Variants in DNAJC3 observed in about 807,000 individuals in gnomAD.
The protein encoded by DNAJC3 is dnaJ homolog subfamily C member 3.
DNAJC3 carries 38 observed loss-of-function variants against 68.6 expected under a neutral mutation model. The observed-to-expected ratio is 0.55, with a 90% CI of 0.43 to 0.73. DNAJC3 has a LOEUF of 0.73. DNAJC3 is among the 30% of genes least tolerant of loss of function. The pLI, the probability that DNAJC3 is intolerant of heterozygous loss-of-function variation, is 0.00. For synonymous variants in DNAJC3, 203 were observed against 204.0 expected (o/e 1.00, Z 0.04); for missense variants, 526 against 591.9 (o/e 0.89, Z 1.16).
At chr13:95,717,794 C>T (rs1402185408) in intron 2 of DNAJC3, among the ~76,000 whole-genome samples, 1 of 152,174 alleles carries the variant, frequency 6.6e-6, no homozygotes, top group Non-Finnish European at 1.5e-5. Context: ...TGTGAGGCCT[C>T]CCCAGCCATG....
At chr13:95,684,958 G>A (rs1880032363) in intron 1 of DNAJC3, among the ~76,000 whole-genome samples, 2 of 152,356 alleles carry the variant, frequency 1.3e-5, no homozygotes, top group South Asian at 2.1e-4. Context: ...GTTGCTGCAG[G>A]GGCAGAGCCC....
chr13:95,720,664 A>T (rs565618500), intron 2 of DNAJC3, among the ~76,000 whole-genome samples: 2 of 152,292 alleles, frequency 1.3e-5, no homozygotes, highest in South Asian at 2.1e-4. Flanking sequence ...TCCTCAAGTT[A>T]ATTACAGTAT....
At chr13:95,768,989 A>G (rs1594018433) in intron 9 of DNAJC3, among the ~76,000 whole-genome samples, 1 of 64,782 alleles carries the variant, frequency 1.5e-5, no homozygotes, top group African/African-American at 2.0e-4. Flanking sequence ...AAAATTATCT[A>G]TATCTATATC....
intron 4 of DNAJC3, among the ~76,000 whole-genome samples, chr13:95,741,878 G>C (rs1349724652): frequency 6.6e-6 from 1 of 152,146 alleles, no homozygotes; most frequent in Non-Finnish European, 1.5e-5. Context: ...AGTGTGCTTG[G>C]GCACTTGGGC....
intron 1 of DNAJC3, among the ~76,000 whole-genome samples, chr13:95,692,115 CTG>C (rs1386847654): frequency 1.4e-5 from 2 of 146,084 alleles, no homozygotes; most frequent in Admixed American, 6.7e-5. Flanking sequence ...GAGAGGGAGA[CTG>C]TGGGGAGAGG....
chr13:95,726,541 A>G (rs73550588), intron 4 of DNAJC3, among the ~76,000 whole-genome samples: 2,597 of 152,266 alleles, frequency 0.017, 80 homozygotes, highest in African/African-American at 0.06. Context: ...ACACATTCTT[A>G]AAAGGGAATT....
intron 4 of DNAJC3, among the ~76,000 whole-genome samples, chr13:95,746,234 G>A (rs1443740072): frequency 6.6e-6 from 1 of 152,198 alleles, no homozygotes; most frequent in African/African-American, 2.4e-5. Context: ...GAATAGGATA[G>A]TTGCTACTAT....
chr13:95,715,895 G>T (rs1197209213), intron 2 of DNAJC3, among the ~76,000 whole-genome samples: 1 of 151,962 alleles, frequency 6.6e-6, no homozygotes, highest in Non-Finnish European at 1.5e-5. Flanking sequence ...GGTGGCTCAT[G>T]CCTGTAATCC....
intron 6 of DNAJC3, 48 bp downstream of exon 6, chr13:95,760,269 T>C (rs2139675139): frequency 7.1e-7 from 1 of 1,402,502 alleles, no homozygotes; most frequent in Non-Finnish European, 9.4e-7. Flanking sequence ...TTGTTGGCAG[T>C]AAGATTACCT....
rs552623577 is a variant in DNAJC3 at position 95,731,023 on chromosome 13, C to T, written c.393+5771C>T. Among the ~76,000 whole-genome samples, 11 of 152,006 alleles carry T rather than the reference C, an allele frequency of 7.2e-5. No individual in the cohort carries two copies. The South Asian group carries it at 2.1e-3, about 29-fold the overall frequency. On this transcript the variant is annotated intron_variant, in intron 4 of 11. Transcript: ENST00000602402. The stretch of plus-strand genomic sequence containing the variant: ...TTTCTTTGTAGAAGTCTTCCAATTC[C>T]TTGGTTAAATTTTTTCCTGGGTATT...
In DNAJC3 at chr13:95,749,986, G is replaced by A. The variant is rs1384968640; in HGVS notation, c.394-7658G>A. ...AATTGCTTGAACCTGGGAGGTGGAG[G>A]TTGTAGTGAGCCTCTAATTAGTGTT... On this transcript the variant is annotated intron_variant, in intron 4 of 11. Coordinates refer to ENST00000602402, the MANE Select transcript of DNAJC3 (RefSeq NM_006260.5). 2.6e-5 allele frequency among the ~76,000 whole-genome samples: 4 copies of A among 151,994 alleles called. No homozygotes were observed. The South Asian group carries it at 8.3e-4, about 31-fold the overall frequency.
At chr13:95,736,838 C>T (rs1280488458) in intron 4 of DNAJC3, among the ~76,000 whole-genome samples, 1 of 147,662 alleles carries the variant, frequency 6.8e-6, no homozygotes, top group Non-Finnish European at 1.5e-5. Context: ...ATTGCCCTGG[C>T]CAGAACTTCC....
At chr13:95,723,153 A>T in intron 2 of DNAJC3, 89 bp from the exon 3 acceptor site, 1 of 1,188,232 alleles carries the variant, frequency 8.4e-7, no homozygotes, top group Non-Finnish European at 1.2e-6. Context: ...GTAGAGTTGC[A>T]AGTGCTGATA....
At chr13:95,765,038 C>T (rs1882953694) in intron 9 of DNAJC3, among the ~76,000 whole-genome samples, 1 of 152,010 alleles carries the variant, frequency 6.6e-6, no homozygotes, top group Non-Finnish European at 1.5e-5. Flanking sequence ...AATCTTGCTC[C>T]TAAGCAAGTT....
intron 2 of DNAJC3, among the ~76,000 whole-genome samples, chr13:95,721,255 T>G (rs1299859459): frequency 6.6e-6 from 1 of 152,218 alleles, no homozygotes; most frequent in Admixed American, 6.5e-5. Context: ...TCTGTAAGGC[T>G]GAATGAATAA....
intron 4 of DNAJC3, among the ~76,000 whole-genome samples, chr13:95,734,401 G>T (rs1306950669): frequency 6.6e-6 from 1 of 152,204 alleles, no homozygotes; most frequent in African/African-American, 2.4e-5. Flanking sequence ...GTCCAATGGG[G>T]TTTCCCTTAT....
At chr13:95,687,160 T>A (rs1012007195) in intron 1 of DNAJC3, among the ~76,000 whole-genome samples, 2 of 152,206 alleles carry the variant, frequency 1.3e-5, no homozygotes, top group African/African-American at 4.8e-5. Flanking sequence ...GAATTCTTGA[T>A]TTGGTTTTTG....
At chr13:95,764,375 C>CTATATATA (rs61150940) in intron 9 of DNAJC3, among the ~76,000 whole-genome samples, 40 of 124,030 alleles carry the variant, frequency 3.2e-4, no homozygotes, top group African/African-American at 1.3e-3. Context: ...CTCTCTCTCT[C>CTATATATA]TATATATATA....
Position 95,723,637 on chromosome 13 carries a change from T to C in DNAJC3, c.318+271T>C, listed in dbSNP as rs561325206. On this transcript the variant is annotated intron_variant, in intron 3 of 11. Coordinates refer to ENST00000602402, the MANE Select transcript of DNAJC3 (RefSeq NM_006260.5). ...TAGAAAGACAAATCTGTGTGGAGGC[T>C]GGAGTGTGAGGCAAGATGTGAGGCT... is the stretch of plus-strand genomic sequence containing the variant. 1.1e-4 allele frequency among the ~76,000 whole-genome samples: 17 copies of C among 152,208 alleles called. No homozygotes were observed. The South Asian group carries it at 3.3e-3, about 30-fold the overall frequency.
Sources: allele counts gnomAD v4.1 joint callset (sites outside exome capture counted in the v4.1 genomes callset), GRCh38; gene constraint gnomAD v4.1.1; transcripts MANE v1.5; gene names NCBI Gene and HGNC (gene_info 2026-07-23, HGNC 2026-07-21).